The following PRR5 variants were observed in gnomAD, a reference collection of about 807,000 sequenced individuals.
The protein encoded by PRR5 is proline rich 5.
PRR5 carries 25 observed loss-of-function variants against 30.6 expected under a neutral mutation model. The observed-to-expected ratio is 0.82, with a 90% CI of 0.60 to 1.14. PRR5 has a LOEUF of 1.14. Among genes scored for constraint, PRR5 ranks in the 50% most tolerant of loss-of-function variants. PRR5 has a pLI of 0.00. For synonymous variants in PRR5, 286 were observed against 247.1 expected (o/e 1.16, Z -1.48); for missense variants, 600 against 547.1 (o/e 1.10, Z -0.96).
chr22:44,710,458 C>T (rs1400103067), intron 1 of PRR5, among the ~76,000 whole-genome samples: 2 of 152,174 alleles, frequency 1.3e-5, no homozygotes, highest in African/African-American at 2.4e-5. Flanking sequence ...TGGGCCGTTT[C>T]CACTCAAGCC....
chr22:44,721,394 C>G (rs903455844), intron 2 of PRR5, among the ~76,000 whole-genome samples: 1 of 152,136 alleles, frequency 6.6e-6, no homozygotes, highest in African/African-American at 2.4e-5. Context: ...CAATCAGAAC[C>G]TGGAAGTGAA....
At chr22:44,686,853 C>T (rs1413174132) in intron 1 of PRR5, among the ~76,000 whole-genome samples, 1 of 152,228 alleles carries the variant, frequency 6.6e-6, no homozygotes, top group East Asian at 1.9e-4. Context: ...ATCTCATGAT[C>T]TGCCCACCTC....
intron 3 of PRR5, among the ~76,000 whole-genome samples, chr22:44,725,633 G>T (rs1352600909): frequency 6.6e-5 from 10 of 151,792 alleles, no homozygotes; most frequent in Non-Finnish European, 1.5e-4. Flanking sequence ...ATCACGCCTG[G>T]CTAATTTTTG....
rs769801822 is a variant in PRR5 at position 44,730,251 on chromosome 22, C to T, written c.323-1479C>T. 3.0e-6 allele frequency: 3 copies of T among 984,892 alleles called. No homozygotes were observed. In the African/African-American group the frequency reaches 5.2e-5, roughly 17 times the overall value. The allele number at this position is 984,892 out of a possible 1,614,324, so 61.0% of individuals were successfully genotyped here. On this transcript the variant is annotated intron_variant, in intron 4 of 7. Transcript: ENST00000336985. ...CATGGAAACCTCAAAGCAGTTCTGGCCGGGGGCGCAGCCTGAGAGACAGCC... is the reference window on the plus strand; with the variant it reads ...CATGGAAACCTCAAAGCAGTTCTGGTCGGGGGCGCAGCCTGAGAGACAGCC...
chr22:44,730,321 C>T (rs1352778879), intron 4 of PRR5: 3 of 985,278 alleles, frequency 3.0e-6, no homozygotes, highest in Non-Finnish European at 3.6e-6. Flanking sequence ...ACCAAGATCT[C>T]TCTCGCCAGT....
Position 44,718,484 on chromosome 22 carries a change from C to T in PRR5, c.215+3813C>T, listed in dbSNP as rs181066778. Among the ~76,000 whole-genome samples the T allele has an allele frequency of 5.9e-5, 9 of 152,280 alleles. No individual in the cohort carries two copies. The East Asian group carries it at 1.3e-3, about 23-fold the overall frequency. Reference sequence around the variant, plus strand: ...TGCTGGGGTTACAGGCCTGAGCCACCGCAACTGGCCTCATTTCTCTTAGGT... The same window carrying T: ...TGCTGGGGTTACAGGCCTGAGCCACTGCAACTGGCCTCATTTCTCTTAGGT... On this transcript the variant is annotated intron_variant, in intron 2 of 7. Transcript: ENST00000336985.
chr22:44,677,653 G>A (rs1233179674), intron 1 of PRR5, among the ~76,000 whole-genome samples: 1 of 152,230 alleles, frequency 6.6e-6, no homozygotes, highest in Non-Finnish European at 1.5e-5. Flanking sequence ...GGGACCAGCG[G>A]GGGACATGTC....
chr22:44,705,319 C>A (rs895209353), intron 1 of PRR5, among the ~76,000 whole-genome samples: 1 of 152,054 alleles, frequency 6.6e-6, no homozygotes, highest in Admixed American at 6.6e-5. Context: ...TCTCCTTTCT[C>A]TCTCTCTATT....
At chr22:44,710,427 A>C (rs972218012) in intron 1 of PRR5, among the ~76,000 whole-genome samples, 5 of 152,110 alleles carry the variant, frequency 3.3e-5, no homozygotes, top group Non-Finnish European at 7.4e-5. Flanking sequence ...GAGGCGGTCC[A>C]CATCTGGACA....
chr22:44,681,511 C>G (rs558624841), intron 1 of PRR5, among the ~76,000 whole-genome samples: 1 of 151,820 alleles, frequency 6.6e-6, no homozygotes, highest in Non-Finnish European at 1.5e-5. Flanking sequence ...TCGCTTGAAA[C>G]CGGAAGGCAG....
intron 4 of PRR5, chr22:44,729,734 C>T (rs928859972): frequency 3.0e-6 from 3 of 985,368 alleles, no homozygotes; most frequent in African/African-American, 3.5e-5. Flanking sequence ...GGCCTCTCGT[C>T]ACCGTGTGGC....
In PRR5 at chr22:44,684,904, C is replaced by T. The variant is rs199888039; in HGVS notation, c.-11+7664C>T. On this transcript the variant is annotated intron_variant, in intron 1 of 8. Transcript: ENST00000006251. The stretch of plus-strand genomic sequence containing the variant: ...TCCCTCCTGGGGATTCTGGAGCCTC[C>T]CTTTACTGCCCTCTTGTGGCTCTCA... 3.9e-5 allele frequency among the ~76,000 whole-genome samples: 6 copies of T among 152,284 alleles called. No individual in the cohort carries two copies. The East Asian group carries it at 1.2e-3, about 29-fold the overall frequency.
upstream of PRR5, among the ~76,000 whole-genome samples, chr22:44,700,288 AC>A (rs1461720305): frequency 2.0e-5 from 3 of 152,140 alleles, no homozygotes; most frequent in Non-Finnish European, 4.4e-5. Flanking sequence ...ACATGGTGAA[AC>A]CCCATCTCTA....
intron 2 of PRR5, 114 bp downstream of exon 2, chr22:44,714,785 C>T: frequency 7.4e-7 from 1 of 1,357,672 alleles, no homozygotes; most frequent in Admixed American, 2.2e-5. Flanking sequence ...TGCTTCCTCC[C>T]CTAGAGGCCA....
At chr22:44,695,825 C>T (rs1008940069) in intron 1 of PRR5, among the ~76,000 whole-genome samples, 1 of 151,352 alleles carries the variant, frequency 6.6e-6, no homozygotes, top group African/African-American at 2.4e-5. Flanking sequence ...GGTCTCGAAC[C>T]CCTGACCTCA....
At chr22:44,675,008 G>A (rs1306425004), upstream of PRR5, among the ~76,000 whole-genome samples, 1 of 149,908 alleles carries the variant, frequency 6.7e-6, no homozygotes, top group Admixed American at 6.7e-5. Flanking sequence ...CAGCACTTTG[G>A]GAGGCCGAGG....
chr22:44,704,063 C>T (rs1397103717), intron 1 of PRR5, among the ~76,000 whole-genome samples: 1 of 152,192 alleles, frequency 6.6e-6, no homozygotes, highest in Non-Finnish European at 1.5e-5. Context: ...ATCCATAAAA[C>T]GGGCAGATAA....
At chr22:44,700,568 G>A (rs978815766), upstream of PRR5, among the ~76,000 whole-genome samples, 1 of 152,196 alleles carries the variant, frequency 6.6e-6, no homozygotes, top group African/African-American at 2.4e-5. Context: ...AGAGGCTGCA[G>A]TGACCACAGT....
intron 2 of PRR5, among the ~76,000 whole-genome samples, chr22:44,715,058 C>A (rs530464992): frequency 6.6e-6 from 1 of 152,224 alleles, no homozygotes; most frequent in Non-Finnish European, 1.5e-5. Flanking sequence ...ACCTGCCTAA[C>A]GACGGGAGTG....
Sources: gnomAD v4.1 joint callset for allele counts (sites outside exome capture counted in the v4.1 genomes callset) on GRCh38, gnomAD v4.1.1 for gene constraint, MANE v1.5 for transcripts, NCBI Gene and HGNC (gene_info 2026-07-23, HGNC 2026-07-21) for gene names.